The following RPGRIP1L variants were observed in gnomAD, a reference collection of about 807,000 sequenced individuals.
The protein encoded by RPGRIP1L is RPGRIP1 like.
In RPGRIP1L, 131 loss-of-function variants were observed where a neutral mutation model predicts 160.4. That is an observed-to-expected ratio of 0.82 (90% CI 0.71 to 0.94). The LOEUF (loss-of-function observed/expected upper bound fraction) is 0.94, where lower values mean the gene tolerates loss of function less well. Among genes scored for constraint, RPGRIP1L ranks in the 40% least tolerant of loss-of-function variants. RPGRIP1L has a pLI of 0.00. For synonymous variants in RPGRIP1L, 510 were observed against 515.8 expected (o/e 0.99, Z 0.15); for missense variants, 1,522 against 1,535.8 (o/e 0.99, Z 0.15).
At chr16:53,670,457 T>A (rs1161789552) in intron 9 of RPGRIP1L, among the ~76,000 whole-genome samples, 2 of 152,006 alleles carry the variant, frequency 1.3e-5, no homozygotes, top group African/African-American at 2.4e-5. Flanking sequence ...CAGTATCATA[T>A]ACTAAAAAGA....
chr16:53,645,020 C>G (rs1337108596), intron 17 of RPGRIP1L, among the ~76,000 whole-genome samples: 1 of 152,030 alleles, frequency 6.6e-6, no homozygotes, highest in Non-Finnish European at 1.5e-5. Context: ...GGGCTCATAA[C>G]ATAGGAAGAC....
chr16:53,605,191 A>G (rs1426188360), intron 26 of RPGRIP1L, among the ~76,000 whole-genome samples: 1 of 151,872 alleles, frequency 6.6e-6, no homozygotes, highest in Non-Finnish European at 1.5e-5. Context: ...AAAAAATCCA[A>G]TGGCCAACTT....
At chr16:53,649,771 A>G (rs1966820976) in intron 15 of RPGRIP1L, among the ~76,000 whole-genome samples, 1 of 152,092 alleles carries the variant, frequency 6.6e-6, no homozygotes, top group South Asian at 2.1e-4. Flanking sequence ...TGCCTCCTTC[A>G]TGGACATCGT....
intron 19 of RPGRIP1L, 33 bp from the exon 20 acceptor site, chr16:53,638,444 A>G: frequency 8.9e-7 from 1 of 1,120,378 alleles, no homozygotes; most frequent in Non-Finnish European, 1.4e-6. Flanking sequence ...CATGTATGTC[A>G]TTTTTTATTT....
At chr16:53,668,620 T>C (rs925558391) in intron 9 of RPGRIP1L, among the ~76,000 whole-genome samples, 9 of 152,182 alleles carry the variant, frequency 5.9e-5, no homozygotes, top group East Asian at 5.8e-4. Flanking sequence ...GCATACATTA[T>C]AGTTTAGGAA....
chr16:53,629,167 G>A (rs1965355730), intron 22 of RPGRIP1L, among the ~76,000 whole-genome samples: 1 of 152,054 alleles, frequency 6.6e-6, no homozygotes, highest in South Asian at 2.1e-4. Flanking sequence ...GATTTTGGCT[G>A]CACATTAGAA....
rs749122531 is a variant in RPGRIP1L at position 53,602,028 on chromosome 16, AT to A, written c.*47del. ...ACAAAAATCTCATGTAGGAACTTTC[AT>A]GTGAGCATTTACTGAGGAGTAGGAG... On this transcript the variant is annotated 3_prime_UTR_variant, in exon 27 of 27. Transcript: ENST00000647211. The A allele has an allele frequency of 4.6e-6, 5 of 1,084,504 alleles. No individual in the cohort carries two copies. The highest frequency in any genetic ancestry group is 7.1e-6 in the Non-Finnish European group (5 of 704,284). 67.2% of individuals were successfully genotyped at this position (1,084,504 alleles called of 1,614,324 possible).
intron 4 of RPGRIP1L, among the ~76,000 whole-genome samples, chr16:53,690,487 C>A (rs972305483): frequency 6.6e-6 from 1 of 152,142 alleles, no homozygotes; most frequent in Non-Finnish European, 1.5e-5. Context: ...TGAGTCACTG[C>A]GCCCAGCCTA....
At chr16:53,673,515 C>T (rs1054720540) in intron 7 of RPGRIP1L, among the ~76,000 whole-genome samples, 1 of 151,862 alleles carries the variant, frequency 6.6e-6, no homozygotes, top group Non-Finnish European at 1.5e-5. Flanking sequence ...AAGTTATGAA[C>T]TTTTCTTAAT....
At chr16:53,691,956 C>T in intron 4 of RPGRIP1L, 110 bp downstream of exon 4, 2 of 1,018,996 alleles carry the variant, frequency 2.0e-6, no homozygotes, top group South Asian at 1.3e-5. Flanking sequence ...TTTTTCTCTT[C>T]CTAAAGACAC....
chr16:53,618,632 C>A (rs1964522642), intron 24 of RPGRIP1L, among the ~76,000 whole-genome samples: 3 of 152,214 alleles, frequency 2.0e-5, no homozygotes, highest in Admixed American at 1.3e-4. Flanking sequence ...CAGGCTCACC[C>A]TCCCAGGCTC....
chr16:53,630,724 A>G (rs1965467393), intron 22 of RPGRIP1L, among the ~76,000 whole-genome samples: 1 of 152,022 alleles, frequency 6.6e-6, no homozygotes, highest in East Asian at 1.9e-4. Context: ...TTGACATAAA[A>G]TATATTTTAT....
At position 53,684,294 on chromosome 16, in the gene RPGRIP1L, G is replaced by A. The variant is rs569386911; in HGVS notation, c.776+2139C>T. 3.2e-3 allele frequency among the ~76,000 whole-genome samples: 482 copies of A among 152,138 alleles called. 4 individuals carry two copies. The highest frequency in any genetic ancestry group is 0.011 in the African/African-American group (442 of 41,494). On this transcript the variant is annotated intron_variant, in intron 6 of 26. Coordinates refer to ENST00000647211, the MANE Select transcript of RPGRIP1L (RefSeq NM_015272.5). ...TGCTGCTATAAAGACACATGCACAC[G>A]TATGTTTATTGTGGCACTATTCACA...
chr16:53,610,975 A>T lies in RPGRIP1L; in HGVS notation c.3693T>A (p.Pro1231=), dbSNP rs1229607199. ...GGACTGCCAAAACATACCTTCTATT[A>T]GGCATCTCTTGTTTTTGTAGTATAG... ...LKAILQKQEM[P]NRSLRFTVVS... is the part of the protein sequence containing the mutation. Residue 1231 remains proline, a synonymous_variant, in exon 25 of 27, where the codon CCT becomes CCA. Coordinates refer to ENST00000647211, the MANE Select transcript of RPGRIP1L (RefSeq NM_015272.5). 4 of 1,605,702 alleles carry T rather than the reference A, an allele frequency of 2.5e-6. No homozygotes were observed. The highest frequency in any genetic ancestry group is 3.4e-6 in the Non-Finnish European group (4 of 1,172,524).
Position 53,601,924 on chromosome 16 carries a change from C to T in RPGRIP1L, c.*152G>A. ...AGAAATAAACAAATGAAAAAGTATACAAAACTTCAACACTTCAAACCCAGG... is the reference window on the plus strand; with the variant it reads ...AGAAATAAACAAATGAAAAAGTATATAAAACTTCAACACTTCAAACCCAGG... On this transcript the variant is annotated 3_prime_UTR_variant, in exon 27 of 27. Coordinates refer to ENST00000647211, the MANE Select transcript of RPGRIP1L (RefSeq NM_015272.5). The T allele has an allele frequency of 1.5e-6, 1 of 653,848 alleles. No individual in the cohort carries two copies. The highest frequency in any genetic ancestry group is 2.8e-6 in the Non-Finnish European group (1 of 358,900). The allele number at this position is 653,848 out of a possible 1,614,324, so 40.5% of individuals were successfully genotyped here.
At chr16:53,625,767 A>G (rs1230984557) in intron 22 of RPGRIP1L, among the ~76,000 whole-genome samples, 2 of 152,158 alleles carry the variant, frequency 1.3e-5, no homozygotes, top group Non-Finnish European at 2.9e-5. Flanking sequence ...AAAGAAGAAG[A>G]CATAGGAGAC....
chr16:53,664,304 C>T (rs967583535), intron 10 of RPGRIP1L, among the ~76,000 whole-genome samples: 5 of 152,118 alleles, frequency 3.3e-5, no homozygotes, highest in African/African-American at 1.2e-4. Context: ...TATTTAAGGT[C>T]ACTGTCACAA....
In RPGRIP1L at chr16:53,695,502, C is replaced by G. The variant is rs563842350; in HGVS notation, c.230+649G>C. 37 of 683,844 alleles carry G rather than the reference C, an allele frequency of 5.4e-5. No individual in the cohort carries two copies. The African/African-American group carries it at 6.5e-4, about 12-fold the overall frequency. 42.4% of individuals were successfully genotyped at this position (683,844 alleles called of 1,614,324 possible). Reference sequence around the variant, plus strand: ...TACAGACCTGCTCATGATTACACATCTGAACACACTTTGTTTTTAATGCCT... The same window carrying G: ...TACAGACCTGCTCATGATTACACATGTGAACACACTTTGTTTTTAATGCCT... On this transcript the variant is annotated intron_variant, in intron 3 of 26. Transcript: ENST00000647211.
chr16:53,617,352 A>C (rs1964450092), intron 24 of RPGRIP1L, among the ~76,000 whole-genome samples: 1 of 152,154 alleles, frequency 6.6e-6, no homozygotes, highest in Non-Finnish European at 1.5e-5. Context: ...CAAAAGCCAA[A>C]GAGTTTGTCA....
Sources: allele counts gnomAD v4.1 joint callset (sites outside exome capture counted in the v4.1 genomes callset), GRCh38; gene constraint gnomAD v4.1.1; transcripts MANE v1.5; gene names NCBI Gene and HGNC (gene_info 2026-07-23, HGNC 2026-07-21).